Variants in CHN2 observed in about 807,000 individuals in gnomAD.
The protein encoded by CHN2 is chimerin 2, also known as beta-chimaerin.
In CHN2, 35 loss-of-function variants were observed where a neutral mutation model predicts 56.3. That is an observed-to-expected ratio of 0.62 (90% CI 0.47 to 0.82). The LOEUF (loss-of-function observed/expected upper bound fraction) is 0.82. CHN2 is among the 40% of genes least tolerant of loss of function. The probability of loss-of-function intolerance (pLI) is 0.00; values close to 1 mark genes in which losing one functional copy is unlikely to be tolerated. For missense variants in CHN2, 491 were observed against 580.5 expected (o/e 0.85, Z 1.58); for synonymous variants, 210 against 212.8 (o/e 0.99, Z 0.12).
intron 1 of CHN2, among the ~76,000 whole-genome samples, chr7:29,195,629 A>AGAGAGAGAGAGAGAGTGTGTGT (rs869037854): frequency 5.8e-4 from 68 of 117,526 alleles, no homozygotes; most frequent in East Asian, 3.4e-3. Context: ...AGAGAGAGAG[A>AGAGAGAGAGAGAGAGTGTGTGT]GTGTGTGTGT....
At chr7:29,282,015 C>T (rs979584459) in intron 1 of CHN2, among the ~76,000 whole-genome samples, 4 of 151,814 alleles carry the variant, frequency 2.6e-5, no homozygotes, top group Non-Finnish European at 5.9e-5. Flanking sequence ...TGTGTTGACT[C>T]GGCAGTGGCG....
chr7:29,512,989 A>G lies in CHN2; in HGVS notation c.*254A>G. The stretch of plus-strand genomic sequence containing the variant: ...TCCTATGTATGTCTGGTTTGCTGGA[A>G]GAGTGATTAATACATCTTTAATTTA... On this transcript the variant is annotated 3_prime_UTR_variant, in exon 13 of 13. Transcript: ENST00000222792. The G allele has an allele frequency of 2.7e-6, 1 of 371,028 alleles. No individual in the cohort carries two copies. Among genetic ancestry groups the G allele is most frequent in the African/African-American group, 2.0e-5 (1 of 49,180 alleles). The allele number at this position is 371,028 out of a possible 1,614,324, so 23.0% of individuals were successfully genotyped here.
At position 29,239,946 on chromosome 7, in the gene CHN2, C is replaced by T. The variant is rs371364547; in HGVS notation, c.49+44956C>T. Among the ~76,000 whole-genome samples, 33 of 152,252 alleles carry T rather than the reference C, an allele frequency of 2.2e-4. No homozygotes were observed. The South Asian group carries it at 5.4e-3, about 25-fold the overall frequency. On this transcript the variant is annotated intron_variant, in intron 1 of 12. Transcript: ENST00000222792. ...AAATCTAGATTTTTTTAAAAAAATG[C>T]ATAATCTGCTAATTTTTAGACATTG... is the stretch of plus-strand genomic sequence containing the variant.
At chr7:29,445,428 T>C (rs568772943) in intron 6 of CHN2, among the ~76,000 whole-genome samples, 6 of 152,200 alleles carry the variant, frequency 3.9e-5, no homozygotes, top group Non-Finnish European at 8.8e-5. Flanking sequence ...GTAGATTTTT[T>C]ATTACCATGA....
chr7:29,232,604 G>A (rs529611904), intron 1 of CHN2, among the ~76,000 whole-genome samples: 1 of 152,164 alleles, frequency 6.6e-6, no homozygotes, highest in Non-Finnish European at 1.5e-5. Context: ...TTGAAAACAC[G>A]ATGAGTGATC....
chr7:29,321,330 C>T (rs779866535), intron 1 of CHN2, among the ~76,000 whole-genome samples: 93 of 152,094 alleles, frequency 6.1e-4, no homozygotes, highest in Non-Finnish European at 1.1e-3. Context: ...TCACATGGAA[C>T]GCACATGCCA....
In CHN2 at chr7:29,513,093, A is replaced by C; in HGVS notation, c.*358A>C. ...CTTAATTCATACAGGTACTTGATAC[A>C]GTTATACATTTTCCACTTACAAAAA... On this transcript the variant is annotated 3_prime_UTR_variant, in exon 13 of 13. Coordinates refer to ENST00000222792, the MANE Select transcript of CHN2 (RefSeq NM_004067.4). 5.8e-6 allele frequency: 1 copy of C among 172,430 alleles called. No homozygotes were observed. Among genetic ancestry groups the C allele is most frequent in the Non-Finnish European group, 1.2e-5 (1 of 81,180 alleles). 10.7% of individuals were successfully genotyped at this position (172,430 alleles called of 1,614,324 possible). A position where few individuals can be genotyped will look rare whatever the true frequency, so the allele number is the denominator to read the frequency against.
intron 1 of CHN2, among the ~76,000 whole-genome samples, chr7:29,342,948 G>T (rs1489448375): frequency 6.6e-6 from 1 of 152,198 alleles, no homozygotes; most frequent in African/African-American, 2.4e-5. Flanking sequence ...CTTTATATCT[G>T]CACCCATGTC....
At chr7:29,447,686 A>T (rs1784125685) in intron 6 of CHN2, among the ~76,000 whole-genome samples, 1 of 152,160 alleles carries the variant, frequency 6.6e-6, no homozygotes, top group African/African-American at 2.4e-5. Flanking sequence ...GAGCACAAGG[A>T]CAGTTTTTGG....
chr7:29,237,398 A>G (rs542368581), intron 1 of CHN2, among the ~76,000 whole-genome samples: 2 of 152,202 alleles, frequency 1.3e-5, no homozygotes, highest in Admixed American at 6.5e-5. Context: ...TTCAAACCGC[A>G]TATTTTTGGA....
Position 29,400,398 on chromosome 7 carries a change from C to T in CHN2, c.291-145C>T, listed in dbSNP as rs560171787. On this transcript the variant is annotated intron_variant, in intron 5 of 12. Transcript: ENST00000222792. Reference sequence around the variant, plus strand: ...TACCGTCTCAAAGGGTCTCTGTGAGCGTTAGGGGAAAAAAAATCACATCAA... The same window carrying T: ...TACCGTCTCAAAGGGTCTCTGTGAGTGTTAGGGGAAAAAAAATCACATCAA... 1.4e-3 allele frequency: 1,074 copies of T among 743,638 alleles called. 7 individuals are homozygous for T. In the Middle Eastern group the frequency reaches 0.025, roughly 17 times the overall value. 46.1% of individuals were successfully genotyped at this position (743,638 alleles called of 1,614,324 possible). A position where few individuals can be genotyped will look rare whatever the true frequency, so the allele number is the denominator to read the frequency against.
chr7:29,501,312 G>A (rs533292266), intron 9 of CHN2, among the ~76,000 whole-genome samples: 1 of 152,270 alleles, frequency 6.6e-6, no homozygotes, highest in East Asian at 1.9e-4. Context: ...AGCTTAATGA[G>A]TGCTTTGGGA....
chr7:29,446,498 G>A (rs1405004800), intron 6 of CHN2, among the ~76,000 whole-genome samples: 4 of 152,160 alleles, frequency 2.6e-5, no homozygotes, highest in East Asian at 1.9e-4. Context: ...GGTTAGCTCT[G>A]CGATTGCCCC....
At chr7:29,272,813 A>G (rs564533390) in intron 1 of CHN2, among the ~76,000 whole-genome samples, 2 of 152,310 alleles carry the variant, frequency 1.3e-5, no homozygotes, top group African/African-American at 4.8e-5. Context: ...TTTATTGTGT[A>G]TATTTGAGGT....
intron 6 of CHN2, among the ~76,000 whole-genome samples, chr7:29,401,748 G>GC (rs1200220020): frequency 6.6e-6 from 1 of 152,204 alleles, no homozygotes; most frequent in African/African-American, 2.4e-5. Context: ...AAGTATGCAG[G>GC]CGGGGGGTAG....
intron 11 of CHN2, among the ~76,000 whole-genome samples, 191 bp downstream of exon 11, chr7:29,507,556 T>G (rs11770859): frequency 0.41 from 62,382 of 151,998 alleles, 13,625 homozygotes; most frequent in African/African-American, 0.56. Flanking sequence ...AAGAACTCTG[T>G]GGGCTGATGT....
At chr7:29,172,026 G>A (rs10259047) in intron 2 of CHN2, among the ~76,000 whole-genome samples, 4,027 of 152,220 alleles carry the variant, frequency 0.026, 176 homozygotes, top group African/African-American at 0.093. Context: ...AAAACTCATG[G>A]AATGGTGGAG....
At chr7:29,304,592 C>T (rs927317425) in intron 1 of CHN2, among the ~76,000 whole-genome samples, 1 of 152,140 alleles carries the variant, frequency 6.6e-6, no homozygotes, top group African/African-American at 2.4e-5. Flanking sequence ...TGCCTGGGTA[C>T]CCAATACATT....
At chr7:29,182,324 G>A (rs1257044516) in intron 2 of CHN2, among the ~76,000 whole-genome samples, 1 of 152,172 alleles carries the variant, frequency 6.6e-6, no homozygotes. Flanking sequence ...ATCTGATAGT[G>A]TTCCACCTAC....
Sources: allele counts gnomAD v4.1 joint callset (sites outside exome capture counted in the v4.1 genomes callset), GRCh38; gene constraint gnomAD v4.1.1; transcripts MANE v1.5; gene names NCBI Gene and HGNC (gene_info 2026-07-23, HGNC 2026-07-21).